GLI3: variants seen among roughly 807,000 people sequenced by gnomAD.
The protein encoded by GLI3 is GLI family zinc finger 3, also known as transcription activator GLI3.
In GLI3, 20 loss-of-function variants were observed where a neutral mutation model predicts 100.8. The observed-to-expected ratio is 0.20, with a 90% CI of 0.14 to 0.29. The LOEUF (loss-of-function observed/expected upper bound fraction) is 0.29, where lower values mean the gene tolerates loss of function less well. Ranked by LOEUF, GLI3 falls within the 10% of genes least tolerant of loss-of-function variation. The probability of loss-of-function intolerance (pLI) is 1.00; values close to 1 mark genes in which losing one functional copy is unlikely to be tolerated. For synonymous variants in GLI3, 938 were observed against 860.5 expected, an observed-to-expected ratio of 1.09 and a Z score of -1.58; for missense variants, 2,040 against 2,128.5, an observed-to-expected ratio of 0.96 and a Z score of 0.82.
intron 10 of GLI3, among the ~76,000 whole-genome samples, chr7:41,993,309 C>T (rs373076203): frequency 3.9e-4 from 60 of 152,282 alleles, no homozygotes; most frequent in African/African-American, 4.3e-4. Context: ...CGTGTGGTCA[C>T]GTCTAGGATG....
intron 1 of GLI3, among the ~76,000 whole-genome samples, chr7:42,259,074 C>T (rs535029974): frequency 3.9e-4 from 59 of 152,332 alleles, no homozygotes; most frequent in African/African-American, 1.4e-3. Flanking sequence ...GTTAACATTA[C>T]AGATTGTCCA....
chr7:42,108,470 A>C (rs1785628150), intron 3 of GLI3, among the ~76,000 whole-genome samples: 1 of 152,136 alleles, frequency 6.6e-6, no homozygotes, highest in Non-Finnish European at 1.5e-5. Context: ...CGCTTTCCGC[A>C]AACTGGAAAG....
At position 41,996,501 on chromosome 7, in the gene GLI3, A is replaced by C. The variant is rs144654574; in HGVS notation, c.1498-17753T>G. Among the ~76,000 whole-genome samples, 48 of 152,328 alleles carry C rather than the reference A, an allele frequency of 3.2e-4. No individual in the cohort carries two copies. The East Asian group carries it at 7.9e-3, about 25-fold the overall frequency. ...TATTTTGCTCTGAAGAGCTTTCTGA[A>C]TCAATTTAAACACAGTGAGACAGAC... On this transcript the variant is annotated intron_variant, in intron 10 of 14. Coordinates refer to ENST00000395925, the MANE Select transcript of GLI3 (RefSeq NM_000168.6).
At chr7:42,120,237 T>C (rs1785962472) in intron 3 of GLI3, among the ~76,000 whole-genome samples, 1 of 152,218 alleles carries the variant, frequency 6.6e-6, no homozygotes, top group African/African-American at 2.4e-5. Context: ...AGGTGCAATT[T>C]GTGCACAGTT....
intron 10 of GLI3, 62 bp downstream of exon 10, chr7:42,023,406 C>A: frequency 1.9e-6 from 3 of 1,561,436 alleles, no homozygotes; most frequent in Non-Finnish European, 2.6e-6. Flanking sequence ...GTCAGAGAGG[C>A]TGACCTCCCT....
chr7:41,998,560 C>T (rs1208506483), intron 10 of GLI3, among the ~76,000 whole-genome samples: 1 of 152,136 alleles, frequency 6.6e-6, no homozygotes, highest in Non-Finnish European at 1.5e-5. Flanking sequence ...TAACACCTCT[C>T]ATCAGACTAT....
At chr7:41,967,309 T>C (rs1300908236) in intron 14 of GLI3, among the ~76,000 whole-genome samples, 1 of 152,220 alleles carries the variant, frequency 6.6e-6, no homozygotes, top group East Asian at 1.9e-4. Context: ...CAACCACAGA[T>C]GCCTCCACTG....
intron 2 of GLI3, among the ~76,000 whole-genome samples, chr7:42,203,761 G>A (rs1220735986): frequency 6.6e-6 from 1 of 152,204 alleles, no homozygotes; most frequent in Middle Eastern, 3.4e-3. Context: ...CAGTTTGGGA[G>A]GCCGAGACAG....
At chr7:42,229,863 A>G (rs1255611634) in intron 1 of GLI3, among the ~76,000 whole-genome samples, 1 of 152,198 alleles carries the variant, frequency 6.6e-6, no homozygotes, top group Non-Finnish European at 1.5e-5. Flanking sequence ...AGTTTCAATG[A>G]GCAAAATGCA....
At chr7:42,064,671 C>T (rs965538314) in intron 4 of GLI3, among the ~76,000 whole-genome samples, 1 of 152,136 alleles carries the variant, frequency 6.6e-6, no homozygotes, top group African/African-American at 2.4e-5. Flanking sequence ...TCCAGTCACA[C>T]TCATGAGGGA....
Position 41,967,577 on chromosome 7 carries a change from G to T in GLI3, c.2431+19C>A. The T allele has an allele frequency of 1.3e-6, 2 of 1,559,580 alleles. No homozygotes were observed. The highest frequency in any genetic ancestry group is 8.8e-7 in the Non-Finnish European group (1 of 1,132,548). On this transcript the variant is annotated intron_variant, in intron 14 of 14. Coordinates refer to ENST00000395925, the MANE Select transcript of GLI3 (RefSeq NM_000168.6). ...AAAAAAAAACCCTGAGCAGATGCAT[G>T]GTCTGATGTAGAACTCACCATTTCC...
chr7:41,965,522 G>A lies in GLI3; in HGVS notation c.3551C>T (p.Ala1184Val). 1 of 1,605,614 alleles carries A rather than the reference G, an allele frequency of 6.2e-7. No homozygotes were observed. The highest frequency in any genetic ancestry group is 8.5e-7 in the Non-Finnish European group (1 of 1,173,454). ...CCCAAAGGCGCGAGTCTGCGGCACA[G>A]CGGGCCGCGGCCCACACTTGAGCTT... Reference protein sequence around the residue: ...SSKLKCGPRPAVPQTRAFGFC... With the variant: ...SSKLKCGPRPVVPQTRAFGFC... Residue 1184 changes from alanine to valine, a missense_variant, in exon 15 of 15, where the codon GCT becomes GTT. Ala to Val is a moderately conservative substitution (Grantham distance 64). Coordinates refer to ENST00000395925, the MANE Select transcript of GLI3 (RefSeq NM_000168.6).
chr7:42,037,737 T>C (rs951943967), intron 7 of GLI3, among the ~76,000 whole-genome samples: 3 of 152,210 alleles, frequency 2.0e-5, no homozygotes, highest in Non-Finnish European at 4.4e-5. Flanking sequence ...AATCTCTTCT[T>C]CCATCTCTAA....
intron 3 of GLI3, among the ~76,000 whole-genome samples, chr7:42,133,258 A>G (rs1002704566): frequency 2.0e-4 from 31 of 152,248 alleles, no homozygotes; most frequent in Non-Finnish European, 5.9e-5. Flanking sequence ...CTAGGTTGGC[A>G]TTCAAATGAA....
chr7:42,091,114 T>G (rs1261264495), intron 3 of GLI3, among the ~76,000 whole-genome samples: 1 of 152,208 alleles, frequency 6.6e-6, no homozygotes, highest in Non-Finnish European at 1.5e-5. Flanking sequence ...CTTGAAATTC[T>G]TAGTAATTTT....
In GLI3 at chr7:42,040,584, C is replaced by T. The variant is rs536092628; in HGVS notation, c.827-345G>A. Among the ~76,000 whole-genome samples, 11 of 152,266 alleles carry T rather than the reference C, an allele frequency of 7.2e-5. No individual in the cohort carries two copies. The East Asian group carries it at 1.4e-3, about 19-fold the overall frequency. On this transcript the variant is annotated intron_variant, in intron 6 of 14. Coordinates refer to ENST00000395925, the MANE Select transcript of GLI3 (RefSeq NM_000168.6). ...ATTCCCATCATTAATTCACCACAAG[C>T]GACAAAGACAGTGGTTCCCACAATG...
At chr7:42,238,437 G>C (rs1788879235), upstream of GLI3, among the ~76,000 whole-genome samples, 1 of 152,184 alleles carries the variant, frequency 6.6e-6, no homozygotes, top group South Asian at 2.1e-4. Flanking sequence ...TGATGCCTTT[G>C]GAAGTTCAGG....
chr7:42,124,764 A>G (rs747722155), intron 3 of GLI3, among the ~76,000 whole-genome samples: 4 of 152,196 alleles, frequency 2.6e-5, no homozygotes, highest in Non-Finnish European at 5.9e-5. Context: ...GAGACTCAAG[A>G]GATAGTTTTT....
chr7:42,246,254 T>G (rs952308121), intron 1 of GLI3, among the ~76,000 whole-genome samples: 5 of 152,192 alleles, frequency 3.3e-5, no homozygotes, highest in Non-Finnish European at 5.9e-5. Flanking sequence ...GACTATGCCA[T>G]GCCCATTACC....
Sources: allele counts gnomAD v4.1 joint callset (sites outside exome capture counted in the v4.1 genomes callset), GRCh38; gene constraint gnomAD v4.1.1; transcripts MANE v1.5; gene names NCBI Gene and HGNC (gene_info 2026-07-23, HGNC 2026-07-21).